Variants in ROBO2 observed in about 807,000 individuals in gnomAD.
ROBO2 encodes roundabout guidance receptor 2, also known as roundabout homolog 2.
Under a neutral mutation model 160.8 loss-of-function variants are expected in ROBO2, and 53 were observed. The ratio of observed to expected loss-of-function variants is 0.33; its 90% CI spans 0.26 to 0.41. ROBO2 has a LOEUF of 0.41. Among genes scored for constraint, ROBO2 ranks in the 10% least tolerant of loss-of-function variants. The pLI is 1.00. For missense variants in ROBO2, 1,577 were observed against 1,722.4 expected (o/e 0.92, Z 1.49); for synonymous variants, 664 against 611.7 (o/e 1.09, Z -1.26).
At chr3:77,061,011 A>G (rs2066246442) in intron 1 of ROBO2, among the ~76,000 whole-genome samples, 1 of 152,002 alleles carries the variant, frequency 6.6e-6, no homozygotes, top group African/African-American at 2.4e-5. Flanking sequence ...TCATAGCTCA[A>G]TGCTGCCTCG....
intron 24 of ROBO2, among the ~76,000 whole-genome samples, chr3:77,637,580 A>C (rs891358369): frequency 1.3e-5 from 2 of 152,180 alleles, no homozygotes; most frequent in Admixed American, 1.3e-4. Flanking sequence ...GAGCATTTAA[A>C]ACTATTCGTA....
At chr3:77,359,002 CT>C (rs749428905) in intron 2 of ROBO2, among the ~76,000 whole-genome samples, 4 of 152,202 alleles carry the variant, frequency 2.6e-5, no homozygotes, top group Non-Finnish European at 4.4e-5. Context: ...ATTTTCTTCT[CT>C]GACTGAAAGC....
chr3:76,419,587 G>A (rs1046628170), intron 2 of ROBO2, among the ~76,000 whole-genome samples: 4 of 152,042 alleles, frequency 2.6e-5, no homozygotes, highest in Non-Finnish European at 4.4e-5. Context: ...CACAGAGGAA[G>A]CTGTAAAAAC....
intron 2 of ROBO2, among the ~76,000 whole-genome samples, chr3:76,726,016 C>T (rs1449540689): frequency 6.6e-6 from 1 of 152,126 alleles, no homozygotes; most frequent in Admixed American, 6.6e-5. Flanking sequence ...GATTGGGTCC[C>T]TTCAAATGCT....
At chr3:76,586,106 A>C (rs758726526) in intron 2 of ROBO2, among the ~76,000 whole-genome samples, 2 of 152,206 alleles carry the variant, frequency 1.3e-5, no homozygotes, top group Non-Finnish European at 2.9e-5. Flanking sequence ...TTTACACACA[A>C]CACCAGTATT....
chr3:76,620,103 A>G (rs1289712012), intron 2 of ROBO2, among the ~76,000 whole-genome samples: 1 of 152,244 alleles, frequency 6.6e-6, no homozygotes, highest in African/African-American at 2.4e-5. Context: ...TAAATGAAAC[A>G]AAAGAAATAA....
chr3:76,616,690 CATGT>C (rs2088611878), intron 2 of ROBO2, among the ~76,000 whole-genome samples: 1 of 152,174 alleles, frequency 6.6e-6, no homozygotes, highest in Non-Finnish European at 1.5e-5. Context: ...TATGTAATAA[CATGT>C]AAGACATATT....
At chr3:76,545,611 G>C (rs1309184428) in intron 2 of ROBO2, among the ~76,000 whole-genome samples, 1 of 151,798 alleles carries the variant, frequency 6.6e-6, no homozygotes, top group African/African-American at 2.4e-5. Context: ...CCTTAACTTT[G>C]ACTCTCGTGA....
chr3:76,130,176 G>A (rs535886407), intron 2 of ROBO2, among the ~76,000 whole-genome samples: 33 of 152,062 alleles, frequency 2.2e-4, no homozygotes, highest in African/African-American at 8.0e-4. Flanking sequence ...AGAGTAAATT[G>A]TCAGTATCTA....
At chr3:76,016,086 A>G (rs1211778077) in intron 2 of ROBO2, among the ~76,000 whole-genome samples, 1 of 152,180 alleles carries the variant, frequency 6.6e-6, no homozygotes, top group African/African-American at 2.4e-5. Context: ...AATATGGGGT[A>G]CCTAGAAATG....
At chr3:77,469,877 G>C (rs1168229935) in intron 2 of ROBO2, among the ~76,000 whole-genome samples, 3 of 152,128 alleles carry the variant, frequency 2.0e-5, no homozygotes, top group African/African-American at 7.2e-5. Flanking sequence ...ACATTATTTG[G>C]TTAACTTTTC....
intron 2 of ROBO2, among the ~76,000 whole-genome samples, chr3:76,322,163 CGTATATATATAT>C (rs2072585759): frequency 2.5e-5 from 1 of 40,158 alleles, no homozygotes; most frequent in Non-Finnish European, 4.7e-5. Flanking sequence ...CTACTTCTTC[CGTATATATATAT>C]ATATATATAT....
intron 2 of ROBO2, among the ~76,000 whole-genome samples, chr3:76,202,947 A>G (rs1026375780): frequency 6.6e-6 from 1 of 151,962 alleles, no homozygotes; most frequent in African/African-American, 2.4e-5. Context: ...GGACTGTTGA[A>G]ATACTTTAGT....
At chr3:76,697,596 T>C (rs574672594) in intron 2 of ROBO2, among the ~76,000 whole-genome samples, 2 of 152,140 alleles carry the variant, frequency 1.3e-5, no homozygotes, top group African/African-American at 4.8e-5. Flanking sequence ...CAGTGAACCA[T>C]AATTGCAACA....
Position 77,289,725 on chromosome 3 carries a change from G to A in ROBO2, c.389-187689G>A, listed in dbSNP as rs528711622. Among the ~76,000 whole-genome samples the A allele has an allele frequency of 1.5e-3, 233 of 151,934 alleles. 1 individual carries two copies. The highest frequency in any genetic ancestry group is 2.7e-3 in the Non-Finnish European group (183 of 67,972). On this transcript the variant is annotated intron_variant, in intron 2 of 25. Coordinates refer to ENST00000461745, the Ensembl canonical transcript of ROBO2. ...CATAAAGTAAAATTGACGGTTAAAC[G>A]GGTAAGCTGAGGCTAGATCACTGAA...
intron 2 of ROBO2, among the ~76,000 whole-genome samples, chr3:76,459,529 A>G (rs78562032): frequency 0.044 from 6,744 of 152,254 alleles, 456 homozygotes; most frequent in African/African-American, 0.14. Context: ...AGTAACTACT[A>G]TAGACTTTAT....
chr3:75,966,958 A>G (rs1302954350), intron 2 of ROBO2, among the ~76,000 whole-genome samples: 2 of 151,690 alleles, frequency 1.3e-5, no homozygotes, highest in African/African-American at 4.8e-5. Context: ...GTTTATCAAC[A>G]CACTGCTACA....
At chr3:76,984,381 C>G (rs559599620) in intron 2 of ROBO2, among the ~76,000 whole-genome samples, 2 of 152,186 alleles carry the variant, frequency 1.3e-5, no homozygotes, top group Admixed American at 6.5e-5. Context: ...AACAGGACAT[C>G]AAACCTTTTT....
chr3:77,365,862 G>C (rs2153472764), intron 2 of ROBO2, among the ~76,000 whole-genome samples: 1 of 152,228 alleles, frequency 6.6e-6, no homozygotes, highest in Non-Finnish European at 1.5e-5. Context: ...ATATTACATG[G>C]TGTATTTCAC....
Sources: gnomAD v4.1 joint callset for allele counts (sites outside exome capture counted in the v4.1 genomes callset) on GRCh38, gnomAD v4.1.1 for gene constraint, MANE v1.5 for transcripts, NCBI Gene and HGNC (gene_info 2026-07-23, HGNC 2026-07-21) for gene names.